Variants in SETD2 observed in about 807,000 individuals in gnomAD.
SETD2 encodes the protein SET domain containing 2, histone lysine methyltransferase.
Under a neutral mutation model 242.1 loss-of-function variants are expected in SETD2, and 31 were observed. The ratio of observed to expected loss-of-function variants is 0.13; its 90% CI spans 0.10 to 0.17. The LOEUF is 0.17. Among genes scored for constraint, SETD2 ranks in the 10% least tolerant of loss-of-function variants. The probability of loss-of-function intolerance (pLI) is 1.00; values close to 1 mark genes in which losing one functional copy is unlikely to be tolerated. For missense variants in SETD2, 2,481 were observed against 3,046.3 expected, an observed-to-expected ratio of 0.81 and a Z score of 4.37; for synonymous variants, 1,006 against 1,066.5, an observed-to-expected ratio of 0.94 and a Z score of 1.11.
At chr3:47,163,248 G>A (rs563851444) in intron 1 of SETD2, among the ~76,000 whole-genome samples, 5 of 152,370 alleles carry the variant, frequency 3.3e-5, no homozygotes, top group African/African-American at 9.6e-5. Flanking sequence ...CGGAAGCACT[G>A]CAAGGCCAGG....
chr3:47,138,467 G>A (rs981184538), intron 1 of SETD2, among the ~76,000 whole-genome samples: 8 of 151,966 alleles, frequency 5.3e-5, no homozygotes, highest in Admixed American at 2.0e-4. Flanking sequence ...TGTTGCCCAG[G>A]CTGAAGTGCA....
At chr3:47,093,371 T>A (rs1286315009) in intron 9 of SETD2, among the ~76,000 whole-genome samples, 1 of 149,018 alleles carries the variant, frequency 6.7e-6, no homozygotes, top group Non-Finnish European at 1.5e-5. Context: ...GCAACCTCCA[T>A]CTCCTGGGTT....
chr3:47,127,502 A>G, intron 1 of SETD2: 1 of 426,638 alleles, frequency 2.3e-6, no homozygotes, highest in Non-Finnish European at 4.7e-6. Flanking sequence ...CTAAATTGGG[A>G]GGATCACTTG....
intron 9 of SETD2, among the ~76,000 whole-genome samples, chr3:47,093,423 A>G (rs987482416): frequency 2.0e-5 from 3 of 151,688 alleles, no homozygotes; most frequent in Non-Finnish European, 4.4e-5. Flanking sequence ...AGCTGAGATT[A>G]CAGGCACCCA....
chr3:47,075,533 C>A (rs2041026780), intron 12 of SETD2, among the ~76,000 whole-genome samples: 1 of 131,738 alleles, frequency 7.6e-6, no homozygotes, highest in Non-Finnish European at 1.5e-5. Flanking sequence ...CATTGCACTC[C>A]AGCCTGGGCA....
chr3:47,078,586 A>G (rs1428687508), intron 12 of SETD2, among the ~76,000 whole-genome samples: 3 of 146,764 alleles, frequency 2.0e-5, no homozygotes, highest in African/African-American at 7.6e-5. Context: ...AAAATCTGAA[A>G]GAGGTCTGCT....
At chr3:47,071,825 T>C (rs2040833354) in intron 12 of SETD2, among the ~76,000 whole-genome samples, 2 of 152,338 alleles carry the variant, frequency 1.3e-5, no homozygotes, top group South Asian at 2.1e-4. Flanking sequence ...CGTTTTCTTA[T>C]GACAGGCTCA....
intron 1 of SETD2, among the ~76,000 whole-genome samples, chr3:47,139,658 A>G (rs2043680361): frequency 6.6e-6 from 1 of 152,212 alleles, no homozygotes; most frequent in Non-Finnish European, 1.5e-5. Flanking sequence ...TAGAAAAAGC[A>G]AGATATATAG....
At chr3:47,061,111 A>G (rs559804252) in intron 14 of SETD2, among the ~76,000 whole-genome samples, 93 of 152,110 alleles carry the variant, frequency 6.1e-4, no homozygotes, top group African/African-American at 2.2e-3. Flanking sequence ...CCAGCTACTC[A>G]GGAGGCTGAG....
intron 10 of SETD2, among the ~76,000 whole-genome samples, chr3:47,087,168 C>A (rs1341274643): frequency 1.3e-5 from 2 of 148,498 alleles, no homozygotes; most frequent in African/African-American, 5.0e-5. Context: ...ATGCTAGTAA[C>A]TGGAGGGTAA....
At chr3:47,071,966 A>C (rs1367061153) in intron 12 of SETD2, among the ~76,000 whole-genome samples, 1 of 152,210 alleles carries the variant, frequency 6.6e-6, no homozygotes, top group African/African-American at 2.4e-5. Flanking sequence ...TGACAAGAAA[A>C]AGGTTACCAC....
rs2106715021 is a variant in SETD2 at position 47,123,901 on chromosome 3, A to T, written c.735T>A (p.Ile245=). ...TATCTGCTTCTAAAGATTCTGGTAC[A>T]ATTATAATTGGTGGTTCTTTCAGAG... is the stretch of plus-strand genomic sequence containing the variant. The part of the protein sequence containing the change: ...VRSLKEPPII[I]VPESLEADTK... Residue 245 remains isoleucine, a synonymous_variant, in exon 3 of 21, where the codon ATT becomes ATA. Transcript: ENST00000409792. 1 of 1,552,080 alleles carries T rather than the reference A, an allele frequency of 6.4e-7. No homozygotes were observed. Among genetic ancestry groups the T allele is most frequent in the Non-Finnish European group, 8.7e-7 (1 of 1,146,948 alleles).
chr3:47,108,392 A>C (rs141584754), intron 5 of SETD2, among the ~76,000 whole-genome samples: 1 of 152,306 alleles, frequency 6.6e-6, no homozygotes, highest in Admixed American at 6.5e-5. Flanking sequence ...GTCATCTGGC[A>C]TCGATATTAT....
chr3:47,043,706 G>A (rs927566177), intron 16 of SETD2, among the ~76,000 whole-genome samples: 9 of 152,136 alleles, frequency 5.9e-5, no homozygotes, highest in Admixed American at 3.9e-4. Flanking sequence ...ACGGGTCTTT[G>A]AGCATTCTTG....
intron 1 of SETD2, among the ~76,000 whole-genome samples, chr3:47,152,691 A>G: frequency 6.6e-6 from 1 of 152,206 alleles, no homozygotes. Context: ...TTACGATAAT[A>G]GTCCTCCCCA....
intron 1 of SETD2, among the ~76,000 whole-genome samples, chr3:47,147,115 A>G (rs1297338864): frequency 3.3e-5 from 5 of 151,958 alleles, no homozygotes; most frequent in South Asian, 2.1e-4. Context: ...GGTTCAAGCA[A>G]TTCTCCTGCC....
Position 47,101,998 on chromosome 3 carries a change from G to C in SETD2, c.4918-443C>G, listed in dbSNP as rs566350007. ...ATGTTGTAAGATAAGATGAGATATA[G>C]AAACTAGGAAACACTGATCCCAAAA... On this transcript the variant is annotated intron_variant, in intron 7 of 20. Transcript: ENST00000409792. Among the ~76,000 whole-genome samples, 47 of 152,262 alleles carry C rather than the reference G, an allele frequency of 3.1e-4. 1 individual carries two copies. The highest frequency in any genetic ancestry group is 3.4e-3 in the Middle Eastern group (1 of 294).
At chr3:47,080,299 T>TAA (rs755434884) in intron 12 of SETD2, among the ~76,000 whole-genome samples, 65 of 152,320 alleles carry the variant, frequency 4.3e-4, no homozygotes, top group Admixed American at 1.6e-3. Flanking sequence ...ATTTTGTCCC[T>TAA]AAATCATCTA....
At chr3:47,018,225 T>TG (rs1032942735) in intron 19 of SETD2, among the ~76,000 whole-genome samples, 1 of 152,174 alleles carries the variant, frequency 6.6e-6, no homozygotes, top group Non-Finnish European at 1.5e-5. Context: ...GTGAAGCAGA[T>TG]GGAAGCATGA....
Sources: allele counts gnomAD v4.1 joint callset (sites outside exome capture counted in the v4.1 genomes callset), GRCh38; gene constraint gnomAD v4.1.1; transcripts MANE v1.5; gene names NCBI Gene and HGNC (gene_info 2026-07-23, HGNC 2026-07-21).